Variants in DNAH2 observed in about 807,000 individuals in gnomAD.
DNAH2 encodes dynein axonemal heavy chain 2.
A neutral mutation model predicts 523.5 loss-of-function variants in DNAH2; 323 were observed. That is an observed-to-expected ratio of 0.62 (90% CI 0.56 to 0.68). The LOEUF (loss-of-function observed/expected upper bound fraction) is 0.68. DNAH2 is among the 30% of genes least tolerant of loss of function. The pLI, the probability that DNAH2 is intolerant of heterozygous loss-of-function variation, is 0.00. For missense variants in DNAH2, 4,907 were observed against 5,701.5 expected (o/e 0.86, Z 4.49); for synonymous variants, 2,093 against 2,177.4 (o/e 0.96, Z 1.08).
At position 7,799,150 on chromosome 17, in the gene DNAH2, G is replaced by A; in HGVS notation, c.8607G>A (p.Glu2869=). The A allele has an allele frequency of 3.1e-6, 5 of 1,614,218 alleles. No homozygotes were observed. Among genetic ancestry groups the A allele is most frequent in the East Asian group, 2.2e-5 (1 of 44,890 alleles). The change falls in exon 56 of 86, where the codon GAG becomes GAA. Residue 2869 remains glutamate, a synonymous_variant. Coordinates refer to ENST00000572933, the MANE Select transcript of DNAH2 (RefSeq NM_020877.5). The part of the protein sequence containing the change: ...IDQARVEQVP[E]SSDSLFAYLI... ...AGGCCCGGGTGGAGCAGGTGCCTGA[G>A]TCATCGGACAGCCTCTTCGCCTACC...
At chr17:7,741,788 T>C (rs1640901708) in intron 11 of DNAH2, among the ~76,000 whole-genome samples, 2 of 151,872 alleles carry the variant, frequency 1.3e-5, no homozygotes, top group African/African-American at 4.8e-5. Flanking sequence ...CCTTAGCCTC[T>C]CAGGAGCTGG....
intron 63 of DNAH2, among the ~76,000 whole-genome samples, chr17:7,808,637 G>A (rs1166874233): frequency 2.0e-5 from 3 of 151,670 alleles, no homozygotes. Context: ...GAAAGCAGCC[G>A]ATATTACTGT....
chr17:7,822,501 C>T (rs1392168229), intron 73 of DNAH2, among the ~76,000 whole-genome samples: 2 of 152,134 alleles, frequency 1.3e-5, no homozygotes, highest in East Asian at 1.9e-4. Context: ...CACCTCAATG[C>T]GACCTTGATC....
rs776581967 is a variant in DNAH2 at position 7,805,323 on chromosome 17, G to C, written c.9372G>C (p.Glu3124Asp). 1 of 1,614,282 alleles carries C rather than the reference G, an allele frequency of 6.2e-7. No homozygotes were observed. Among genetic ancestry groups the C allele is most frequent in the Non-Finnish European group, 8.5e-7 (1 of 1,180,050 alleles). ...KSYGRPPAQV[E>D]IVMQAVMILR... is the part of the protein sequence containing the mutation. ...ATGGACGGCCCCCAGCCCAAGTGGA[G>C]ATAGTGATGCAGGCAGTTATGATTC... Residue 3124 changes from glutamate (E) to aspartate (D), a missense_variant, in exon 61 of 86, where the codon GAG becomes GAC. Physicochemically the swap from Glu to Asp is conservative, Grantham distance 45. Transcript: ENST00000572933.
rs772357356 is a variant in DNAH2 at position 7,786,899 on chromosome 17, G to A, written c.6469G>A (p.Glu2157Lys). 1.9e-6 allele frequency: 3 copies of A among 1,614,142 alleles called. No individual in the cohort carries two copies. The highest frequency in any genetic ancestry group is 2.2e-5 in the South Asian group (2 of 91,090). Reference sequence around the variant, plus strand: ...CTCATCACCCACCATCTACTCAGATGAGAAACCCGACGAGAAGTGGATCCT... The same window carrying A: ...CTCATCACCCACCATCTACTCAGATAAGAAACCCGACGAGAAGTGGATCCT... The part of the protein sequence containing the change: ...SSVMRTACAD[E>K]KPDEKWILFD... Residue 2157 changes from glutamate to lysine, a missense_variant and splice_region_variant, in exon 42 of 86, where the codon GAG becomes AAG. By Grantham distance (56) the Glu-to-Lys change is moderately conservative (BLOSUM62 1). Transcript: ENST00000572933. The surrounding 1 kb of genome is among the most constrained non-coding windows in gnomAD (Gnocchi z 7.5).
Position 7,763,942 on chromosome 17 carries a change from A to G in DNAH2, c.3090A>G (p.Glu1030=), listed in dbSNP as rs2076078936. 1 of 1,614,192 alleles carries G rather than the reference A, an allele frequency of 6.2e-7. No homozygotes were observed. The highest frequency in any genetic ancestry group is 8.5e-7 in the Non-Finnish European group (1 of 1,180,040). The change falls in exon 19 of 86, where the codon GAA becomes GAG. Residue 1030 remains glutamate (E), a synonymous_variant. Transcript: ENST00000572933. ...TCTCCCTGGTGCAGCACTGCAATGA[A>G]TGGCAGAACAAGTTCGCGACTCTGC... is the stretch of plus-strand genomic sequence containing the variant. ...LKFSLVQHCN[E]WQNKFATLLR...
In DNAH2 at chr17:7,777,545, C is replaced by T. The variant is rs776469683; in HGVS notation, c.5158C>T (p.Arg1720Trp). The change falls in exon 33 of 86, where the codon CGG becomes TGG. Residue 1720 changes from arginine to tryptophan, a missense_variant. Physicochemically the swap from Arg to Trp is moderately radical, Grantham distance 101. Around this residue, in one of 3 missense-constraint regions of DNAH2, gnomAD observed 2,806 missense variants for 3,190.8 expected, o/e 0.88. Coordinates refer to ENST00000572933, the MANE Select transcript of DNAH2 (RefSeq NM_020877.5). ...VALVTIEIHA[R>W]DVLEKLYKSG... ...TCTGGTGACGATAGAAATTCATGCC[C>T]GGGATGTGTTGGAGAAGCTTTACAA... is the stretch of plus-strand genomic sequence containing the variant. 4.8e-5 allele frequency: 78 copies of T among 1,614,080 alleles called. No homozygotes were observed. Among genetic ancestry groups the T allele is most frequent in the Admixed American group, 2.0e-4 (12 of 59,996 alleles).
At chr17:7,770,110 A>G (rs1279637726) in intron 24 of DNAH2, 142 bp from the exon 25 acceptor site, 1 of 1,147,014 alleles carries the variant, frequency 8.7e-7, no homozygotes, top group Non-Finnish European at 1.2e-6. Context: ...CCTGGTGCCT[A>G]AGATTGCATC....
chr17:7,819,999 G>C (rs73977764), intron 72 of DNAH2, among the ~76,000 whole-genome samples: 3,211 of 152,224 alleles, frequency 0.021, 111 homozygotes, highest in African/African-American at 0.071. Context: ...TGTACAGAAA[G>C]GGTCTCCCTA....
intron 63 of DNAH2, among the ~76,000 whole-genome samples, chr17:7,812,047 C>A (rs1381824974): frequency 6.6e-6 from 1 of 152,048 alleles, no homozygotes; most frequent in South Asian, 2.1e-4. Context: ...TGCCAAAGAC[C>A]GTAGAAGAAA....
chr17:7,824,013 C>T, intron 75 of DNAH2, 31 bp downstream of exon 75: 1 of 1,603,716 alleles, frequency 6.2e-7, no homozygotes, highest in Non-Finnish European at 8.5e-7. Context: ...GTCCCCACGG[C>T]CCATGGGTCT....
chr17:7,817,508 G>T, intron 65 of DNAH2, 53 bp from the exon 66 acceptor site: 1 of 1,613,578 alleles, frequency 6.2e-7, no homozygotes, highest in Non-Finnish European at 8.5e-7. Flanking sequence ...GAAGGCGCGG[G>T]GGCTGCTGGG....
intron 39 of DNAH2, among the ~76,000 whole-genome samples, chr17:7,783,657 G>T (rs1351872633): frequency 1.3e-5 from 2 of 151,948 alleles, no homozygotes; most frequent in Admixed American, 1.3e-4. Flanking sequence ...AATGAGCCAG[G>T]TGTAATGGCT....
At chr17:7,737,719 C>A (rs978284825) in intron 8 of DNAH2, among the ~76,000 whole-genome samples, 3 of 152,106 alleles carry the variant, frequency 2.0e-5, no homozygotes, top group Non-Finnish European at 2.9e-5. Context: ...TGAGCTGAGA[C>A]CTTGCTGGGC....
chr17:7,738,738 C>T (rs1396771088), intron 8 of DNAH2, among the ~76,000 whole-genome samples: 1 of 151,980 alleles, frequency 6.6e-6, no homozygotes, highest in Non-Finnish European at 1.5e-5. Flanking sequence ...GAATCTGCTC[C>T]TAGAACTTAG....
rs202083117 is a variant in DNAH2, at chr17:7,780,612, T to C, written c.5851-18T>C. 4.3e-6 allele frequency: 7 copies of C among 1,613,104 alleles called. No individual in the cohort carries two copies. The Admixed American group carries it at 8.3e-5, about 19-fold the overall frequency. On this transcript the variant is annotated intron_variant, in intron 37 of 85. Coordinates refer to ENST00000572933, the MANE Select transcript of DNAH2 (RefSeq NM_020877.5). This position sits in a 1 kb window ranked among gnomAD's most constrained non-coding sequence, Gnocchi z 4.4. The stretch of plus-strand genomic sequence containing the variant: ...TGTGGGGAGATGGACTGTTTCCTCC[T>C]CTGTTTTGGTTCCCCAGATTCTGGC...
intron 4 of DNAH2, among the ~76,000 whole-genome samples, chr17:7,732,589 A>C (rs1338326484): frequency 6.6e-6 from 1 of 152,200 alleles, no homozygotes; most frequent in East Asian, 1.9e-4. Flanking sequence ...ATTACATGAA[A>C]GATATATGCT....
chr17:7,752,565 C>T (rs1321292080), intron 12 of DNAH2, among the ~76,000 whole-genome samples: 2 of 151,906 alleles, frequency 1.3e-5, no homozygotes, highest in African/African-American at 4.8e-5. Flanking sequence ...AAAAAATTAG[C>T]GGGGCGTGGT....
intron 12 of DNAH2, among the ~76,000 whole-genome samples, chr17:7,745,056 G>T (rs376030185): frequency 9.9e-5 from 15 of 151,326 alleles, no homozygotes; most frequent in African/African-American, 3.6e-4. Context: ...GTGCAGTGGC[G>T]CAATCTTGGC....
Sources: allele counts gnomAD v4.1 joint callset (sites outside exome capture counted in the v4.1 genomes callset), GRCh38; gene constraint gnomAD v4.1.1; regional missense constraint gnomAD v4.1.1; non-coding constraint Gnocchi (gnomAD v3.1); transcripts MANE v1.5; gene names NCBI Gene and HGNC (gene_info 2026-07-23, HGNC 2026-07-21).